The following GNB1 variants were observed in gnomAD, a reference collection of about 807,000 sequenced individuals.
GNB1 encodes G protein subunit beta 1.
Under a neutral mutation model 42.9 loss-of-function variants are expected in GNB1, and 2 were observed. The ratio of observed to expected loss-of-function variants is 0.05; its 90% confidence interval spans 0.02 to 0.15. GNB1 has a LOEUF of 0.15. Ranked by LOEUF, GNB1 falls within the 10% of genes least tolerant of loss-of-function variation. The pLI, the probability that GNB1 is intolerant of heterozygous loss-of-function variation, is 1.00. For synonymous variants in GNB1, 183 were observed against 174.7 expected, an observed-to-expected ratio of 1.05 and a Z score of -0.38; for missense variants, 193 against 462.2, an observed-to-expected ratio of 0.42 and a Z score of 5.34.
intron 3 of GNB1, 140 bp from the exon 4 acceptor site, chr1:1,818,015 T>C (rs777403366): frequency 2.0e-5 from 13 of 657,080 alleles, no homozygotes; most frequent in South Asian, 3.3e-5. Flanking sequence ...AGAGTCTCCT[T>C]GCATCTCAAC....
intron 5 of GNB1, among the ~76,000 whole-genome samples, chr1:1,811,511 G>A (rs1312236910): frequency 4.0e-5 from 6 of 151,844 alleles, no homozygotes; most frequent in Admixed American, 1.3e-4. Flanking sequence ...TGGCTAACAC[G>A]GTGAAATCCC....
At chr1:1,829,267 G>C (rs1237044561) in intron 2 of GNB1, among the ~76,000 whole-genome samples, 1 of 152,140 alleles carries the variant, frequency 6.6e-6, no homozygotes, top group East Asian at 1.9e-4. Flanking sequence ...ACGTTGGCCA[G>C]GCTGTAAGGA....
chr1:1,796,650 G>A (rs1646550547), intron 7 of GNB1, among the ~76,000 whole-genome samples: 1 of 152,214 alleles, frequency 6.6e-6, no homozygotes, highest in Non-Finnish European at 1.5e-5. Flanking sequence ...GGCCTGTGCT[G>A]CCACCCTCTG....
At chr1:1,848,251 C>T (rs1305602312) in intron 1 of GNB1, among the ~76,000 whole-genome samples, 1 of 150,676 alleles carries the variant, frequency 6.6e-6, no homozygotes, top group African/African-American at 2.4e-5. Flanking sequence ...TGGTGGCGGG[C>T]GCCTGTAATC....
chr1:1,825,192 C>T (rs963098368), intron 3 of GNB1: 5 of 551,474 alleles, frequency 9.1e-6, no homozygotes, highest in Non-Finnish European at 1.6e-5. Flanking sequence ...ATTCAAATAA[C>T]AAATTGTATA....
intron 3 of GNB1, among the ~76,000 whole-genome samples, chr1:1,823,724 C>T (rs933222559): frequency 6.6e-6 from 1 of 152,224 alleles, no homozygotes; most frequent in South Asian, 2.1e-4. Flanking sequence ...TTCTCAAGTT[C>T]AGGAACAAGT....
chr1:1,842,460 G>C (rs887716388), intron 1 of GNB1, among the ~76,000 whole-genome samples: 1 of 151,450 alleles, frequency 6.6e-6, no homozygotes, highest in Non-Finnish European at 1.5e-5. Context: ...AGAAGTCCTG[G>C]TCCTGTCTCT....
At chr1:1,877,812 C>G (rs1438834150) in intron 1 of GNB1, among the ~76,000 whole-genome samples, 1 of 152,002 alleles carries the variant, frequency 6.6e-6, no homozygotes. Flanking sequence ...AGAAGAGTGG[C>G]TAGAATAGAT....
At chr1:1,861,996 G>A (rs1320783306) in intron 1 of GNB1, among the ~76,000 whole-genome samples, 3 of 152,042 alleles carry the variant, frequency 2.0e-5, no homozygotes, top group Non-Finnish European at 4.4e-5. Context: ...AGCCCCGGGG[G>A]TCGGAGGTTG....
chr1:1,883,722 T>C (rs1649983347), intron 1 of GNB1, among the ~76,000 whole-genome samples: 1 of 151,772 alleles, frequency 6.6e-6, no homozygotes, highest in African/African-American at 2.4e-5. Flanking sequence ...TCCTGTGGAG[T>C]GGAAGGGTAG....
At chr1:1,847,664 A>G (rs1289963155) in intron 1 of GNB1, among the ~76,000 whole-genome samples, 2 of 152,226 alleles carry the variant, frequency 1.3e-5, no homozygotes, top group Non-Finnish European at 2.9e-5. Context: ...TGTGAAGGCC[A>G]TGAGCCTGAA....
At chr1:1,864,326 AAAAAAAAAAAGAAG>A (rs1482776290) in intron 1 of GNB1, among the ~76,000 whole-genome samples, 1 of 149,378 alleles carries the variant, frequency 6.7e-6, no homozygotes, top group African/African-American at 2.4e-5. Flanking sequence ...AAAAAAAAAA[AAAAAAAAAAAGAAG>A]AAAACCCCAC....
At chr1:1,890,110 G>T (rs1466457535) in intron 1 of GNB1, among the ~76,000 whole-genome samples, 1 of 152,050 alleles carries the variant, frequency 6.6e-6, no homozygotes, top group Non-Finnish European at 1.5e-5. Flanking sequence ...CGCAACCCTC[G>T]AGTCGACACG....
chr1:1,875,392 C>T (rs1397380179), intron 1 of GNB1, among the ~76,000 whole-genome samples: 1 of 152,168 alleles, frequency 6.6e-6, no homozygotes, highest in Admixed American at 6.6e-5. Context: ...GGGGTTTTCA[C>T]ATGTTGGTCA....
intron 3 of GNB1, chr1:1,824,984 G>A (rs548970080): frequency 1.6e-3 from 264 of 161,050 alleles, no homozygotes; most frequent in African/African-American, 6.1e-3. Flanking sequence ...AAATACATCA[G>A]ATATACCTGA....
chr1:1,881,542 T>C (rs1649847804), intron 1 of GNB1, among the ~76,000 whole-genome samples: 1 of 151,950 alleles, frequency 6.6e-6, no homozygotes, highest in Non-Finnish European at 1.5e-5. Context: ...TAGCTGAGAA[T>C]ACAGGTGTGC....
chr1:1,886,704 T>C lies in GNB1; in HGVS notation c.-96+4116A>G, dbSNP rs566757085. On this transcript the variant is annotated intron_variant, in intron 1 of 11. Coordinates refer to ENST00000378609, the MANE Select transcript of GNB1 (RefSeq NM_002074.5). ...AATCAGAATGTAAACCAGTTTAAAATTTTTTTTATTTTTATTTTTTGAGAC... is the reference window on the plus strand; with the variant it reads ...AATCAGAATGTAAACCAGTTTAAAACTTTTTTTATTTTTATTTTTTGAGAC... 1.0e-3 allele frequency among the ~76,000 whole-genome samples: 152 copies of C among 152,276 alleles called. 1 individual carries two copies. Among genetic ancestry groups the C allele is most frequent in the Non-Finnish European group, 1.9e-3 (132 of 68,014 alleles).
At chr1:1,886,265 C>T (rs1177220951) in intron 1 of GNB1, among the ~76,000 whole-genome samples, 1 of 152,124 alleles carries the variant, frequency 6.6e-6, no homozygotes, top group Admixed American at 6.5e-5. Flanking sequence ...TTGCAGTGAG[C>T]CGAGATTGCG....
Position 1,847,104 on chromosome 1 carries a change from T to C in GNB1, c.-95-7866A>G, listed in dbSNP as rs572007768. ...AAAAAACTGCCACAAAGGACACTTA[T>C]TAGTAAGGAAGAAAAGTGAGCCCCA... On this transcript the variant is annotated intron_variant, in intron 1 of 11. Coordinates refer to ENST00000378609, the MANE Select transcript of GNB1 (RefSeq NM_002074.5). 3.3e-5 allele frequency among the ~76,000 whole-genome samples: 5 copies of C among 151,878 alleles called. No individual in the cohort carries two copies. In the East Asian group the frequency reaches 5.8e-4, roughly 18 times the overall value.
Sources: allele counts gnomAD v4.1 joint callset (sites outside exome capture counted in the v4.1 genomes callset), GRCh38; gene constraint gnomAD v4.1.1; transcripts MANE v1.5; gene names NCBI Gene and HGNC (gene_info 2026-07-23, HGNC 2026-07-21).